Variants in PLA2G4A observed in about 807,000 individuals in gnomAD.
PLA2G4A encodes cytosolic phospholipase A2.
In PLA2G4A, 40 loss-of-function variants were observed where a neutral mutation model predicts 81.9. That is an observed-to-expected ratio of 0.49 (90% confidence interval 0.38 to 0.64). The LOEUF (loss-of-function observed/expected upper bound fraction) is 0.64. PLA2G4A is among the 30% of genes least tolerant of loss of function. The pLI is 0.00. For missense variants in PLA2G4A, 715 were observed against 905.1 expected (o/e 0.79, Z 2.69); for synonymous variants, 302 against 296.9 (o/e 1.02, Z -0.18).
At chr1:186,936,702 T>C (rs965945987) in intron 8 of PLA2G4A, among the ~76,000 whole-genome samples, 4 of 151,920 alleles carry the variant, frequency 2.6e-5, no homozygotes, top group Admixed American at 6.6e-5. Flanking sequence ...ACCATTTGAT[T>C]TGGAGACAAG....
chr1:186,884,071 G>A (rs1031231580), intron 3 of PLA2G4A, among the ~76,000 whole-genome samples: 1 of 152,022 alleles, frequency 6.6e-6, no homozygotes, highest in African/African-American at 2.4e-5. Context: ...TAAATTTGAG[G>A]CTGGGGATTA....
intron 1 of PLA2G4A, among the ~76,000 whole-genome samples, chr1:186,830,956 TGCTTTCTTTC>T (rs1328421346): frequency 1.5e-5 from 1 of 65,328 alleles, no homozygotes; most frequent in Non-Finnish European, 3.1e-5. Flanking sequence ...CTTGCTTGCT[TGCTTTCTTTC>T]TTTCTTTCTT....
At chr1:186,861,701 C>CA (rs1313098125) in intron 2 of PLA2G4A, among the ~76,000 whole-genome samples, 3 of 152,062 alleles carry the variant, frequency 2.0e-5, no homozygotes, top group African/African-American at 7.2e-5. Flanking sequence ...ACTTGACATT[C>CA]AACACTGCCC....
At chr1:186,896,878 G>A (rs764837620) in intron 5 of PLA2G4A, among the ~76,000 whole-genome samples, 4 of 152,068 alleles carry the variant, frequency 2.6e-5, no homozygotes, top group Non-Finnish European at 4.4e-5. Flanking sequence ...GATGGCTAAG[G>A]GGAGAGTCCC....
At chr1:186,905,725 C>T (rs374148431) in intron 5 of PLA2G4A, among the ~76,000 whole-genome samples, 9 of 143,600 alleles carry the variant, frequency 6.3e-5, no homozygotes, top group African/African-American at 1.5e-4. Context: ...CACACACAAA[C>T]GAACAGTAAT....
chr1:186,967,209 A>G (rs1657163818), intron 15 of PLA2G4A, among the ~76,000 whole-genome samples: 1 of 152,184 alleles, frequency 6.6e-6, no homozygotes, highest in Non-Finnish European at 1.5e-5. Context: ...AAATATATAG[A>G]AAACCTTACA....
rs754125673 is a variant in PLA2G4A, at chr1:186,893,105, G to A, written c.210G>A (p.Val70=). The change falls in exon 4 of 18, where the codon GTG becomes GTA. Residue 70 remains valine, a synonymous_variant. Transcript: ENST00000367466. ...TRHFNNDINP[V]WNETFEFILD... is the part of the protein sequence containing the mutation. The stretch of plus-strand genomic sequence containing the variant: ...ATTTCAATAATGACATAAACCCTGT[G>A]TGGAATGAGACCTTTGAATTTATTT... The A allele has an allele frequency of 3.7e-6, 6 of 1,611,960 alleles. No homozygotes were observed. The East Asian group carries it at 1.3e-4, about 36-fold the overall frequency.
chr1:186,879,009 T>A (rs1653627181), intron 3 of PLA2G4A, among the ~76,000 whole-genome samples: 1 of 151,826 alleles, frequency 6.6e-6, no homozygotes, highest in South Asian at 2.1e-4. Flanking sequence ...ATATGTTATT[T>A]TAGTATATCT....
At position 186,833,357 on chromosome 1, in the gene PLA2G4A, G is replaced by A. The variant is rs558530041; in HGVS notation, c.-70+4322G>A. Among the ~76,000 whole-genome samples, 143 of 152,168 alleles carry A rather than the reference G, an allele frequency of 9.4e-4. 1 individual carries two copies. The highest frequency in any genetic ancestry group is 3.1e-3 in the African/African-American group (127 of 41,514). On this transcript the variant is annotated intron_variant, in intron 1 of 17. Transcript: ENST00000367466. The stretch of plus-strand genomic sequence containing the variant: ...CTGCAGTGAGCTTTGACCACACACC[G>A]CACTCATGCCTGGGTGATAGAGCAA...
intron 12 of PLA2G4A, among the ~76,000 whole-genome samples, chr1:186,947,175 T>C (rs1298905610): frequency 6.6e-6 from 1 of 152,136 alleles, no homozygotes; most frequent in African/African-American, 2.4e-5. Context: ...TAAAAATCAT[T>C]GATTTCTAAG....
chr1:186,928,579 C>T (rs58303526), intron 7 of PLA2G4A, among the ~76,000 whole-genome samples: 3,200 of 152,238 alleles, frequency 0.021, 123 homozygotes, highest in African/African-American at 0.074. Context: ...TGGTGTAAGA[C>T]AATTCATTAT....
Position 186,977,785 on chromosome 1 carries a change from C to A in PLA2G4A, c.1957C>A (p.Pro653Thr). 1 of 1,595,574 alleles carries A rather than the reference C, an allele frequency of 6.3e-7. No individual in the cohort carries two copies. Among genetic ancestry groups the A allele is most frequent in the Non-Finnish European group, 8.6e-7 (1 of 1,163,098 alleles). Reference sequence around the variant, plus strand: ...CATCAACTTCAGAAAGTACAGGGCTCCAGGTAAGTAGGGAGTAAGCTGTAT... The same window carrying A: ...CATCAACTTCAGAAAGTACAGGGCTACAGGTAAGTAGGGAGTAAGCTGTAT... ...ANINFRKYRA[P>T]GVPRETEEEK... is the part of the protein sequence containing the mutation. The change falls in exon 16 of 18, where the codon CCA becomes ACA. Residue 653 changes from proline to threonine, a missense_variant. By Grantham distance (38) the Pro-to-Thr change is conservative. Coordinates refer to ENST00000367466, the MANE Select transcript of PLA2G4A (RefSeq NM_024420.3).
rs1187347561 is a variant in PLA2G4A at position 186,934,061 on chromosome 1, A to G, written c.695+1162A>G. On this transcript the variant is annotated intron_variant, in intron 8 of 17. Coordinates refer to ENST00000367466, the MANE Select transcript of PLA2G4A (RefSeq NM_024420.3). ...TTCTTCTGAAGGAAGGGTGTAGCCC[A>G]TCATTATTCTTTCCCTTGAAGGAAA... Among the ~76,000 whole-genome samples the G allele has an allele frequency of 2.0e-5, 3 of 152,124 alleles. No individual in the cohort carries two copies. In the East Asian group the frequency reaches 5.8e-4, roughly 29 times the overall value.
chr1:186,830,530 C>T (rs1302836053), intron 1 of PLA2G4A, among the ~76,000 whole-genome samples: 3 of 148,992 alleles, frequency 2.0e-5, no homozygotes, highest in Non-Finnish European at 3.0e-5. Context: ...ATCGCTTGAA[C>T]CCAGGAGGTG....
At chr1:186,879,016 A>T (rs79149947) in intron 3 of PLA2G4A, among the ~76,000 whole-genome samples, 7 of 151,798 alleles carry the variant, frequency 4.6e-5, no homozygotes, top group African/African-American at 1.2e-4. Context: ...ATTTTAGTAT[A>T]TCTTAATATT....
At position 186,946,949 on chromosome 1, in the gene PLA2G4A, G is replaced by C. The variant is rs952938652; in HGVS notation, c.1252G>C (p.Glu418Gln). 1 of 1,592,894 alleles carries C rather than the reference G, an allele frequency of 6.3e-7. No individual in the cohort carries two copies. The highest frequency in any genetic ancestry group is 8.6e-7 in the Non-Finnish European group (1 of 1,160,806). Residue 418 changes from glutamate to glutamine, a missense_variant, in exon 12 of 18, where the codon GAG (glutamate) becomes CAG (glutamine). By Grantham distance (29) the Glu-to-Gln change is conservative. Transcript: ENST00000367466. ...TTCACAAAGCAGAGGCTCCACAATGGAGGAAGAATTAGGTATCCTAAAGAT... is the reference window on the plus strand; with the variant it reads ...TTCACAAAGCAGAGGCTCCACAATGCAGGAAGAATTAGGTATCCTAAAGAT... ...SGSQSRGSTM[E>Q]EELENITTKH...
At position 186,847,825 on chromosome 1, in the gene PLA2G4A, G is replaced by A. The variant is rs115366240; in HGVS notation, c.-69-6461G>A. Among the ~76,000 whole-genome samples the A allele has an allele frequency of 4.9e-3, 753 of 152,154 alleles. 12 individuals carry two copies. The highest frequency in any genetic ancestry group is 0.017 in the African/African-American group (705 of 41,516). ...AGAGAGGGGCTTTAAAGAGACCACT[G>A]AGAACGCTCATCAGAGGGTTTAACA... On this transcript the variant is annotated intron_variant, in intron 1 of 17. Coordinates refer to ENST00000367466, the MANE Select transcript of PLA2G4A (RefSeq NM_024420.3).
At chr1:186,918,349 C>G (rs1169651601) in intron 7 of PLA2G4A, among the ~76,000 whole-genome samples, 1 of 151,832 alleles carries the variant, frequency 6.6e-6, no homozygotes, top group Non-Finnish European at 1.5e-5. Flanking sequence ...GTCCTTTCCC[C>G]CAGAGTTTAA....
At chr1:186,863,228 C>T (rs1019419533) in intron 2 of PLA2G4A, among the ~76,000 whole-genome samples, 2 of 152,186 alleles carry the variant, frequency 1.3e-5, no homozygotes, top group Non-Finnish European at 2.9e-5. Flanking sequence ...CACCATGGCA[C>T]CCAGTTAAAT....
Sources: allele counts gnomAD v4.1 joint callset (sites outside exome capture counted in the v4.1 genomes callset), GRCh38; gene constraint gnomAD v4.1.1; transcripts MANE v1.5; gene names NCBI Gene and HGNC (gene_info 2026-07-23, HGNC 2026-07-21).